APP: variants seen among roughly 807,000 people sequenced by gnomAD.
APP encodes amyloid beta precursor protein, also known as amyloid-beta precursor protein.
In APP, 31 loss-of-function variants were observed where a neutral mutation model predicts 101.4. The ratio of observed to expected loss-of-function variants is 0.31; its 90% CI spans 0.23 to 0.41. The LOEUF (loss-of-function observed/expected upper bound fraction) is 0.41. Among genes scored for constraint, APP ranks in the 10% least tolerant of loss-of-function variants. The pLI is 1.00. For synonymous variants in APP, 366 were observed against 364.4 expected, an observed-to-expected ratio of 1.00 and a Z score of -0.05; for missense variants, 839 against 1,003.7, an observed-to-expected ratio of 0.84 and a Z score of 2.22.
chr21:25,925,661 G>A (rs1454082819), intron 13 of APP, among the ~76,000 whole-genome samples: 9 of 152,222 alleles, frequency 5.9e-5, no homozygotes, highest in African/African-American at 1.7e-4. Context: ...ATGGCTGGGC[G>A]TGGTGGCTCA....
intron 5 of APP, among the ~76,000 whole-genome samples, chr21:26,043,878 G>C (rs530128991): frequency 6.6e-6 from 1 of 151,594 alleles, no homozygotes; most frequent in East Asian, 1.9e-4. Flanking sequence ...AAATTTAATC[G>C]ACTAAAACTC....
At chr21:26,047,373 T>G (rs1246937779) in intron 5 of APP, among the ~76,000 whole-genome samples, 2 of 152,186 alleles carry the variant, frequency 1.3e-5, no homozygotes, top group African/African-American at 2.4e-5. Context: ...TTAAGTCAGG[T>G]ACGTTAAACT....
chr21:25,953,441 G>A (rs553285692), intron 13 of APP, among the ~76,000 whole-genome samples: 6 of 152,298 alleles, frequency 3.9e-5, no homozygotes, highest in African/African-American at 1.4e-4. Flanking sequence ...CTTGAGCGGT[G>A]TTTCAGGCAC....
intron 3 of APP, among the ~76,000 whole-genome samples, chr21:26,061,176 G>A (rs553139635): frequency 6.6e-6 from 1 of 152,290 alleles, no homozygotes; most frequent in African/African-American, 2.4e-5. Flanking sequence ...TAATCAAATA[G>A]AAAGGAGTCA....
At chr21:25,982,269 G>A in intron 9 of APP, 75 bp downstream of exon 9, 3 of 1,464,664 alleles carry the variant, frequency 2.0e-6, no homozygotes, top group Non-Finnish European at 2.9e-6. Flanking sequence ...CAGCAGGCCT[G>A]TGGGGAGACT....
intron 1 of APP, among the ~76,000 whole-genome samples, chr21:26,160,256 C>G (rs2063463903): frequency 6.6e-6 from 1 of 152,160 alleles, no homozygotes; most frequent in African/African-American, 2.4e-5. Flanking sequence ...TGAAACCCTC[C>G]ACAATTCAAC....
chr21:25,907,209 A>AT (rs1416994335), intron 14 of APP, among the ~76,000 whole-genome samples: 1 of 152,186 alleles, frequency 6.6e-6, no homozygotes, highest in Non-Finnish European at 1.5e-5. Context: ...CCCTAACCCT[A>AT]TTTTTTAGGA....
chr21:25,999,721 C>T (rs759287982), intron 7 of APP, among the ~76,000 whole-genome samples: 8 of 152,168 alleles, frequency 5.3e-5, no homozygotes, highest in Non-Finnish European at 1.0e-4. Flanking sequence ...AACAGCCACT[C>T]CAGCTTTGTT....
intron 13 of APP, among the ~76,000 whole-genome samples, chr21:25,930,187 C>A (rs376276557): frequency 6.6e-6 from 1 of 152,130 alleles, no homozygotes; most frequent in Non-Finnish European, 1.5e-5. Flanking sequence ...GAGCAGCACT[C>A]ATTTTGTAGT....
At chr21:25,895,061 A>T (rs1334723732) in intron 16 of APP, among the ~76,000 whole-genome samples, 1 of 151,960 alleles carries the variant, frequency 6.6e-6, no homozygotes, top group Non-Finnish European at 1.5e-5. Flanking sequence ...GATCATTAGC[A>T]TTTTTAGTAA....
chr21:26,105,045 T>G (rs1438143731), intron 2 of APP, among the ~76,000 whole-genome samples: 1 of 121,436 alleles, frequency 8.2e-6, no homozygotes, highest in East Asian at 2.2e-4. Context: ...CAATGGTAAC[T>G]AATGGTTTCC....
chr21:25,924,991 A>G (rs908857605), intron 13 of APP, among the ~76,000 whole-genome samples: 5 of 152,206 alleles, frequency 3.3e-5, no homozygotes, highest in African/African-American at 4.8e-5. Context: ...AGATTCGCAT[A>G]TGACCAATTC....
intron 6 of APP, among the ~76,000 whole-genome samples, chr21:26,016,390 G>T (rs987759374): frequency 2.0e-5 from 3 of 152,136 alleles, no homozygotes; most frequent in Admixed American, 2.0e-4. Flanking sequence ...AATAATAGAT[G>T]AATATATGCC....
chr21:26,155,737 T>C (rs544042095), intron 1 of APP, among the ~76,000 whole-genome samples: 1 of 152,328 alleles, frequency 6.6e-6, no homozygotes, highest in Non-Finnish European at 1.5e-5. Context: ...GGCTCATGCC[T>C]GTAATCCCAG....
intron 17 of APP, among the ~76,000 whole-genome samples, chr21:25,887,905 T>C (rs983196059): frequency 1.3e-5 from 2 of 152,176 alleles, no homozygotes; most frequent in African/African-American, 4.8e-5. Flanking sequence ...GAACGTTCTC[T>C]CCAGTGTGAA....
intron 2 of APP, among the ~76,000 whole-genome samples, chr21:26,095,072 C>T (rs1285431537): frequency 6.6e-6 from 1 of 152,216 alleles, no homozygotes; most frequent in African/African-American, 2.4e-5. Context: ...TCTCAATCTC[C>T]TGACCTTGTG....
At chr21:25,909,461 CAG>C (rs1335475599) in intron 14 of APP, among the ~76,000 whole-genome samples, 8 of 152,132 alleles carry the variant, frequency 5.3e-5, no homozygotes, top group African/African-American at 1.9e-4. Flanking sequence ...ACAAGAATAT[CAG>C]CTCTTTTCAT....
chr21:26,170,434 G>A lies in APP; in HGVS notation c.57+130C>T, dbSNP rs926434376. The A allele has an allele frequency of 1.6e-5, 16 of 978,332 alleles. No individual in the cohort carries two copies. The East Asian group carries it at 4.5e-4, about 28-fold the overall frequency. 60.6% of individuals were successfully genotyped at this position (978,332 alleles called of 1,614,324 possible). A position where few individuals can be genotyped will look rare whatever the true frequency, so the allele number is the denominator to read the frequency against. On this transcript the variant is annotated intron_variant, in intron 1 of 17. Coordinates refer to ENST00000346798, the MANE Select transcript of APP (RefSeq NM_000484.4). ...GGATGCGCTGGACGTCCGCAAGCGGGGGCGGAGAGGAGAGGGGTCCCATTG... is the reference window on the plus strand; with the variant it reads ...GGATGCGCTGGACGTCCGCAAGCGGAGGCGGAGAGGAGAGGGGTCCCATTG...
At chr21:26,157,366 G>A (rs1307011735) in intron 1 of APP, among the ~76,000 whole-genome samples, 1 of 152,082 alleles carries the variant, frequency 6.6e-6, no homozygotes, top group Non-Finnish European at 1.5e-5. Flanking sequence ...CACCGTGCCC[G>A]GCCTTTTTGA....
Sources: allele counts gnomAD v4.1 joint callset (sites outside exome capture counted in the v4.1 genomes callset), GRCh38; gene constraint gnomAD v4.1.1; transcripts MANE v1.5; gene names NCBI Gene and HGNC (gene_info 2026-07-23, HGNC 2026-07-21).